Variants in SRGAP3 observed in about 807,000 individuals in gnomAD.
SRGAP3 encodes the protein SLIT-ROBO Rho GTPase activating protein 3.
SRGAP3 carries 39 observed loss-of-function variants against 121.1 expected under a neutral mutation model. That is an observed-to-expected ratio of 0.32 (90% confidence interval 0.25 to 0.42). SRGAP3 has a LOEUF of 0.42. Among genes scored for constraint, SRGAP3 ranks in the 10% least tolerant of loss-of-function variants. The pLI, the probability that SRGAP3 is intolerant of heterozygous loss-of-function variation, is 1.00. For missense variants in SRGAP3, 1,213 were observed against 1,470.6 expected (o/e 0.82, Z 2.86); for synonymous variants, 601 against 570.0 (o/e 1.05, Z -0.77).
intron 9 of SRGAP3, among the ~76,000 whole-genome samples, chr3:9,048,727 G>A (rs1264682302): frequency 6.6e-6 from 1 of 152,188 alleles, no homozygotes; most frequent in African/African-American, 2.4e-5. Context: ...AGGAGGCCAA[G>A]GTGAGAGAAT....
chr3:9,313,405 T>G (rs1450136376), intron 3 of SRGAP3, among the ~76,000 whole-genome samples: 1 of 152,196 alleles, frequency 6.6e-6, no homozygotes, highest in Non-Finnish European at 1.5e-5. Context: ...TAGCTCATAA[T>G]TGGCCAGGCA....
chr3:9,038,853 TTTCC>T (rs1340278695), intron 10 of SRGAP3, among the ~76,000 whole-genome samples: 1 of 152,170 alleles, frequency 6.6e-6, no homozygotes, highest in African/African-American at 2.4e-5. Flanking sequence ...TTCTGGACCA[TTTCC>T]AACAGCATAT....
At chr3:9,076,823 G>C (rs1248549405) in intron 4 of SRGAP3, among the ~76,000 whole-genome samples, 8 of 152,010 alleles carry the variant, frequency 5.3e-5, no homozygotes, top group Admixed American at 5.2e-4. Context: ...CACACTGTGG[G>C]GAACAAAGTC....
At chr3:9,250,856 A>G (rs2125250558), upstream of SRGAP3, among the ~76,000 whole-genome samples, 1 of 152,358 alleles carries the variant, frequency 6.6e-6, no homozygotes, top group East Asian at 1.9e-4. Flanking sequence ...TTAAGGTAGA[A>G]TAAGATTCAT....
chr3:9,038,123 G>C (rs1182098363), intron 10 of SRGAP3, 33 bp from the exon 11 acceptor site: 1 of 1,613,706 alleles, frequency 6.2e-7, no homozygotes, highest in Admixed American at 1.7e-5. Flanking sequence ...ATGTTTAATT[G>C]CCTTTTCTTT....
At chr3:9,309,939 C>T (rs1378254628) in intron 3 of SRGAP3, among the ~76,000 whole-genome samples, 1 of 152,140 alleles carries the variant, frequency 6.6e-6, no homozygotes, top group Non-Finnish European at 1.5e-5. Flanking sequence ...ATTTACTGAG[C>T]ATCTAATAAG....
At chr3:9,048,547 A>C (rs538433117) in intron 9 of SRGAP3, among the ~76,000 whole-genome samples, 1 of 152,348 alleles carries the variant, frequency 6.6e-6, no homozygotes, top group African/African-American at 2.4e-5. Context: ...AGAGCTGAGC[A>C]CGGTGACTCA....
At chr3:9,299,093 T>C (rs1453807592) in intron 3 of SRGAP3, among the ~76,000 whole-genome samples, 1 of 143,416 alleles carries the variant, frequency 7.0e-6, no homozygotes, top group African/African-American at 2.6e-5. Context: ...CTGGGCATGG[T>C]GGCTCACACC....
rs115743977 is a variant in SRGAP3, at chr3:9,015,698, C to T, written c.1712G>A (p.Arg571Gln). Residue 571 changes from arginine to glutamine, a missense_variant, in exon 15 of 22, where the codon CGA (arginine) becomes CAA (glutamine). Transcript: ENST00000383836. The part of the protein sequence containing the change: ...EDPLVDDQNE[R>Q]DINSVAGVLK... ...AACACCAGCGACTGAATTGATATCTCGTTCATTTTGATCGTCCACAAGGGG... is the reference window on the plus strand; with the variant it reads ...AACACCAGCGACTGAATTGATATCTTGTTCATTTTGATCGTCCACAAGGGG... The T allele has an allele frequency of 1.1e-5, 17 of 1,614,170 alleles. No individual in the cohort carries two copies. Among genetic ancestry groups the T allele is most frequent in the Admixed American group, 3.3e-5 (2 of 60,028 alleles).
At chr3:9,188,381 T>G (rs1041661161) in intron 1 of SRGAP3, among the ~76,000 whole-genome samples, 2 of 152,218 alleles carry the variant, frequency 1.3e-5, no homozygotes, top group Non-Finnish European at 2.9e-5. Context: ...AAAACAACTT[T>G]GGCAGAGAGT....
intron 1 of SRGAP3, among the ~76,000 whole-genome samples, chr3:9,138,640 C>T (rs1250250387): frequency 1.3e-5 from 2 of 152,150 alleles, no homozygotes; most frequent in African/African-American, 2.4e-5. Flanking sequence ...AATCTGAAAT[C>T]CAAAATCCAA....
rs528301604 is a variant in SRGAP3 at position 9,354,408 on chromosome 3, G to A, written n.214+8432C>T. Reference sequence around the variant, plus strand: ...AAGAATAGGCAAGGAGGCCGGGCGCGGTGGCTCATGCCTGTAATCCCAGCA... The same window carrying A: ...AAGAATAGGCAAGGAGGCCGGGCGCAGTGGCTCATGCCTGTAATCCCAGCA... On this transcript the variant is annotated intron_variant and non_coding_transcript_variant, in intron 1 of 3. Coordinates refer to the SRGAP3 transcript ENST00000490889. Among the ~76,000 whole-genome samples, 152 of 152,178 alleles carry A rather than the reference G, an allele frequency of 1.0e-3. 1 individual carries two copies. Among genetic ancestry groups the A allele is most frequent in the African/African-American group, 3.5e-3 (144 of 41,538 alleles).
chr3:9,000,185 G>T (rs1197828801), intron 18 of SRGAP3, among the ~76,000 whole-genome samples: 2 of 152,230 alleles, frequency 1.3e-5, no homozygotes, highest in African/African-American at 4.8e-5. Flanking sequence ...ACTACCTGTT[G>T]CTGAGGCTAA....
intron 1 of SRGAP3, among the ~76,000 whole-genome samples, chr3:9,342,265 C>T (rs1268865727): frequency 2.0e-5 from 3 of 151,696 alleles, no homozygotes; most frequent in Non-Finnish European, 2.9e-5. Context: ...GCAGAAGAAT[C>T]GCTTGAACCC....
chr3:9,106,067 C>A (rs1400231584), intron 2 of SRGAP3, among the ~76,000 whole-genome samples: 1 of 152,200 alleles, frequency 6.6e-6, no homozygotes. Flanking sequence ...ATCACTTTCA[C>A]AACACTGTAA....
At chr3:9,100,594 T>C (rs1451002714) in intron 3 of SRGAP3, among the ~76,000 whole-genome samples, 1 of 151,914 alleles carries the variant, frequency 6.6e-6, no homozygotes, top group Non-Finnish European at 1.5e-5. Context: ...CAAAATGAAG[T>C]TTTAGAAGGG....
rs902591468 is a variant in SRGAP3 at position 9,031,243 on chromosome 3, C to T, written c.1539+1407G>A. 2.0e-5 allele frequency among the ~76,000 whole-genome samples: 3 copies of T among 152,148 alleles called. No individual in the cohort carries two copies. The East Asian group carries it at 5.8e-4, about 29-fold the overall frequency. On this transcript the variant is annotated intron_variant, in intron 12 of 21. Coordinates refer to ENST00000383836, the MANE Select transcript of SRGAP3 (RefSeq NM_014850.4). ...TTGAGGGAAGGGAGAGTAACTAGCC[C>T]CTTCTTGGCCATGGACCATGGCTCT...
At chr3:9,243,678 G>GT (rs1418447743) in intron 1 of SRGAP3, among the ~76,000 whole-genome samples, 1 of 151,334 alleles carries the variant, frequency 6.6e-6, no homozygotes, top group Non-Finnish European at 1.5e-5. Flanking sequence ...AAAGGGACTG[G>GT]TTTTTTGCGT....
At position 9,109,878 on chromosome 3, in the gene SRGAP3, G is replaced by T. The variant is rs1240060071; in HGVS notation, c.261-5036C>A. Among the ~76,000 whole-genome samples the T allele has an allele frequency of 1.3e-5, 2 of 152,100 alleles. No individual in the cohort carries two copies. The highest frequency in any genetic ancestry group is 4.8e-5 in the African/African-American group (2 of 41,424). ...GGAGCAGGAGAGGGAGGAGCAGGTAGGGAGGGGGCCCAAGCATGGTGTTTT... is the reference window on the plus strand; with the variant it reads ...GGAGCAGGAGAGGGAGGAGCAGGTATGGAGGGGGCCCAAGCATGGTGTTTT... On this transcript the variant is annotated intron_variant, in intron 2 of 21. Coordinates refer to ENST00000383836, the MANE Select transcript of SRGAP3 (RefSeq NM_014850.4). This position sits in a 1 kb window ranked among gnomAD's most constrained non-coding sequence, Gnocchi z 4.4.
Sources: allele counts gnomAD v4.1 joint callset (sites outside exome capture counted in the v4.1 genomes callset), GRCh38; gene constraint gnomAD v4.1.1; non-coding constraint Gnocchi (gnomAD v3.1); transcripts MANE v1.5; gene names NCBI Gene and HGNC (gene_info 2026-07-23, HGNC 2026-07-21).